Variants in DNAH6 observed in about 807,000 individuals in gnomAD.
DNAH6 encodes axonemal beta dynein heavy chain 6.
In DNAH6, 340 loss-of-function variants were observed where a neutral mutation model predicts 491.4. The ratio of observed to expected loss-of-function variants is 0.69; its 90% CI spans 0.63 to 0.76. The LOEUF is 0.76. DNAH6 is among the 30% of genes least tolerant of loss of function. DNAH6 has a pLI of 0.00. For synonymous variants in DNAH6, 1,603 were observed against 1,686.1 expected (o/e 0.95, Z 1.21); for missense variants, 4,443 against 4,972.2 (o/e 0.89, Z 3.20).
At chr2:84,571,198 G>A (rs941130394) in intron 11 of DNAH6, among the ~76,000 whole-genome samples, 1 of 152,200 alleles carries the variant, frequency 6.6e-6, no homozygotes, top group South Asian at 2.1e-4. Context: ...GCAAATAAAT[G>A]TAGAAAGAAA....
At position 84,607,062 on chromosome 2, in the gene DNAH6, G is replaced by A. The variant is rs887038954; in HGVS notation, c.3261G>A (p.Trp1087Ter). 2.6e-6 allele frequency: 4 copies of A among 1,551,304 alleles called. No individual in the cohort carries two copies. Among genetic ancestry groups the A allele is most frequent in the Non-Finnish European group, 3.5e-6 (4 of 1,146,722 alleles). Residue 1087 changes from tryptophan to a stop codon, truncating the protein, a stop_gained, in exon 21 of 77, where the codon TGG (tryptophan) becomes TGA (stop). Coordinates refer to ENST00000389394, the MANE Select transcript of DNAH6 (RefSeq NM_001370.2). LOFTEE classifies it high-confidence loss of function. Reference protein sequence around the residue: ...LGPLKTRVDEWQKQLALFNQT... With the variant: ...LGPLKTRVDE ...CACTGAAAACTCGAGTGGATGAATG[G>A]CAAAAACAACTTGCTTTATTTAATC...
intron 18 of DNAH6, among the ~76,000 whole-genome samples, chr2:84,596,542 G>C (rs1558771174): frequency 6.6e-6 from 1 of 151,990 alleles, no homozygotes; most frequent in Admixed American, 6.6e-5. Context: ...TGTTGGTCAG[G>C]CTGGCCTCAA....
At chr2:84,515,714 C>T (rs894866659), upstream of DNAH6, among the ~76,000 whole-genome samples, 2 of 152,198 alleles carry the variant, frequency 1.3e-5, no homozygotes, top group Non-Finnish European at 1.5e-5. Flanking sequence ...AGGATTTCTT[C>T]CCCTGATCAG....
intron 64 of DNAH6, among the ~76,000 whole-genome samples, chr2:84,772,270 A>G (rs1675698668): frequency 6.6e-6 from 1 of 152,204 alleles, no homozygotes; most frequent in Non-Finnish European, 1.5e-5. Flanking sequence ...AACAAAAAGA[A>G]GGCAGTGATT....
chr2:84,492,599 A>G, the DNAH6 span, among the ~76,000 whole-genome samples: 1 of 152,100 alleles, frequency 6.6e-6, no homozygotes, highest in Non-Finnish European at 1.5e-5. Flanking sequence ...TGAGTTTCCA[A>G]CTTTAAAGAA....
the DNAH6 span, among the ~76,000 whole-genome samples, chr2:84,497,145 A>G: frequency 1.3e-5 from 2 of 151,782 alleles, no homozygotes; most frequent in Non-Finnish European, 2.9e-5. Flanking sequence ...TAATTTTTAT[A>G]TTTTTAGTAG....
intron 63 of DNAH6, among the ~76,000 whole-genome samples, chr2:84,757,222 AT>A (rs970187692): frequency 1.3e-5 from 2 of 152,226 alleles, no homozygotes; most frequent in Admixed American, 1.3e-4. Context: ...GCCATGTGAT[AT>A]GAAGAAGCCC....
At chr2:84,460,515 C>T in the DNAH6 span, among the ~76,000 whole-genome samples, 2 of 152,232 alleles carry the variant, frequency 1.3e-5, no homozygotes, top group South Asian at 4.1e-4. Flanking sequence ...TGATAAAATG[C>T]ATGATGACAA....
At chr2:84,744,805 G>A (rs571010268) in intron 62 of DNAH6, among the ~76,000 whole-genome samples, 1 of 152,030 alleles carries the variant, frequency 6.6e-6, no homozygotes, top group South Asian at 2.1e-4. Context: ...GCTCACATTT[G>A]CTTAAGTATC....
Position 84,529,064 on chromosome 2 carries a change from T to G in DNAH6, c.560T>G (p.Leu187Trp), listed in dbSNP as rs1189349851. ...GTTAAAGCCAACATTCGTGATCCCT[T>G]GCAAATCATTAAAATAATACGTGAA... The part of the protein sequence containing the change: ...EVVKANIRDP[L>W]QIIKIIRENE... The change falls in exon 4 of 77, where the codon TTG becomes TGG. Residue 187 changes from leucine (L) to tryptophan (W), a missense_variant. Physicochemically the swap from Leu to Trp is moderately conservative, Grantham distance 61. This residue lies in a region of DNAH6 where 2,977 missense variants were observed against 3,296.6 expected (regional missense o/e 0.90). Transcript: ENST00000389394. 6.4e-7 allele frequency: 1 copy of G among 1,551,242 alleles called. No homozygotes were observed. Among genetic ancestry groups the G allele is most frequent in the Non-Finnish European group, 8.7e-7 (1 of 1,146,760 alleles).
intron 4 of DNAH6, among the ~76,000 whole-genome samples, chr2:84,533,075 G>T (rs1272875970): frequency 1.3e-5 from 2 of 152,084 alleles, no homozygotes; most frequent in African/African-American, 2.4e-5. Context: ...TTAGTTGTGA[G>T]CAGGGATTTA....
intron 43 of DNAH6, among the ~76,000 whole-genome samples, chr2:84,686,137 G>A (rs1037201593): frequency 2.1e-4 from 32 of 150,630 alleles, no homozygotes; most frequent in Admixed American, 7.3e-4. Context: ...GCGGTGAGCC[G>A]AGATCGCATC....
At chr2:84,781,380 G>A (rs527829316) in intron 64 of DNAH6, 113 bp from the exon 65 acceptor site, 1 of 875,864 alleles carries the variant, frequency 1.1e-6, no homozygotes, top group South Asian at 2.5e-5. Context: ...TTGGAATGAG[G>A]ATTCAAAATG....
chr2:84,480,752 C>G, the DNAH6 span, among the ~76,000 whole-genome samples: 8 of 152,296 alleles, frequency 5.3e-5, no homozygotes, highest in African/African-American at 1.4e-4. Flanking sequence ...CACCTTAGGT[C>G]AGGAGTTCAA....
chr2:84,685,217 T>A, intron 42 of DNAH6, 109 bp from the exon 43 acceptor site: 1 of 711,814 alleles, frequency 1.4e-6, no homozygotes, highest in Non-Finnish European at 2.1e-6. Flanking sequence ...CAGTCATTTT[T>A]GGCAATATGA....
chr2:84,694,766 A>G (rs561770567), intron 46 of DNAH6, among the ~76,000 whole-genome samples: 61 of 152,370 alleles, frequency 4.0e-4, no homozygotes, highest in East Asian at 1.5e-3. Flanking sequence ...AATAAACTAT[A>G]AAAGTGCATA....
Position 84,805,802 on chromosome 2 carries a change from A to G in DNAH6, c.11611+8A>G, listed in dbSNP as rs1358083824. On this transcript the variant is annotated splice_region_variant and intron_variant, in intron 71 of 76. Coordinates refer to ENST00000389394, the MANE Select transcript of DNAH6 (RefSeq NM_001370.2). ...TCCAGACCAGAGTTCCAGGTAATAA[A>G]TAATTCTAGGAATCTGTATGTAATG... is the stretch of plus-strand genomic sequence containing the variant. The G allele has an allele frequency of 6.5e-7, 1 of 1,547,982 alleles. No individual in the cohort carries two copies. Among genetic ancestry groups the G allele is most frequent in the East Asian group, 2.4e-5 (1 of 40,862 alleles).
intron 4 of DNAH6, among the ~76,000 whole-genome samples, chr2:84,531,116 C>T (rs976201921): frequency 2.0e-5 from 3 of 152,084 alleles, no homozygotes; most frequent in African/African-American, 4.8e-5. Flanking sequence ...AAACTCAAAG[C>T]GAGGAGGGGG....
intron 11 of DNAH6, among the ~76,000 whole-genome samples, chr2:84,571,519 GA>G (rs1681868742): frequency 6.6e-6 from 1 of 152,068 alleles, no homozygotes; most frequent in Non-Finnish European, 1.5e-5. Context: ...TAATCATGAG[GA>G]AATATAAAAC....
Sources: gnomAD v4.1 joint callset for allele counts (sites outside exome capture counted in the v4.1 genomes callset) on GRCh38, gnomAD v4.1.1 for gene constraint, gnomAD v4.1.1 regional missense constraint, MANE v1.5 for transcripts, NCBI Gene and HGNC (gene_info 2026-07-23, HGNC 2026-07-21) for gene names.